Variants in FAM117A observed in about 807,000 individuals in gnomAD.
FAM117A encodes family with sequence similarity 117 member A, also known as protein FAM117A.
Under a neutral mutation model 44.1 loss-of-function variants are expected in FAM117A, and 21 were observed. That is an observed-to-expected ratio of 0.48 (90% CI 0.34 to 0.69). The LOEUF is 0.69. Among genes scored for constraint, FAM117A ranks in the 30% least tolerant of loss-of-function variants. The pLI, the probability that FAM117A is intolerant of heterozygous loss-of-function variation, is 0.01. For synonymous variants in FAM117A, 220 were observed against 238.3 expected (o/e 0.92, Z 0.71); for missense variants, 498 against 589.9 (o/e 0.84, Z 1.61).
intron 1 of FAM117A, among the ~76,000 whole-genome samples, chr17:49,737,567 C>G (rs775131689): frequency 6.6e-6 from 1 of 152,152 alleles, no homozygotes; most frequent in Non-Finnish European, 1.5e-5. Context: ...AGAAAGGTTT[C>G]CTGGAGCTGC....
rs73987381 is a variant in FAM117A at position 49,730,202 on chromosome 17, A to T, written c.366+2349T>A. On this transcript the variant is annotated intron_variant, in intron 2 of 7. Coordinates refer to ENST00000240364, the MANE Select transcript of FAM117A (RefSeq NM_030802.4). ...TTCTCCACCTCCTGACTGCGGCCAC[A>T]ATATTGACAGGTTGCTAAGAGTTCC... Among the ~76,000 whole-genome samples, 413 of 152,342 alleles carry T rather than the reference A, an allele frequency of 2.7e-3. 1 individual carries two copies. The highest frequency in any genetic ancestry group is 9.4e-3 in the African/African-American group (390 of 41,580).
chr17:49,780,996 A>C (rs2073788114), intron 1 of FAM117A, among the ~76,000 whole-genome samples: 1 of 151,942 alleles, frequency 6.6e-6, no homozygotes, highest in South Asian at 2.1e-4. Context: ...ATGCCCGGCT[A>C]ATTTTTGTGC....
chr17:49,752,388 G>T (rs757139650), intron 1 of FAM117A, among the ~76,000 whole-genome samples: 3 of 152,166 alleles, frequency 2.0e-5, no homozygotes, highest in Non-Finnish European at 4.4e-5. Context: ...GAAGTAGGGG[G>T]ATGGTTACAC....
chr17:49,719,914 CA>C lies in FAM117A; in HGVS notation c.574-21del. 1 of 1,594,106 alleles carries C rather than the reference CA, an allele frequency of 6.3e-7. No individual in the cohort carries two copies. The highest frequency in any genetic ancestry group is 1.8e-5 in the Admixed American group (1 of 57,000). ...GGACGCCTGAGGAAGAGGCAAATGACAAAATCACACACAGCCCCACCAGGCC... is the reference window on the plus strand; with the variant it reads ...GGACGCCTGAGGAAGAGGCAAATGACAAATCACACACAGCCCCACCAGGCC... On this transcript the variant is annotated intron_variant, in intron 4 of 7. Transcript: ENST00000240364.
intron 1 of FAM117A, among the ~76,000 whole-genome samples, chr17:49,776,179 G>A (rs1398446734): frequency 6.6e-6 from 1 of 152,206 alleles, no homozygotes; most frequent in South Asian, 2.1e-4. Context: ...TACAGGCTAA[G>A]CAATTTACAC....
chr17:49,712,468 T>C (rs1197203030), intron 7 of FAM117A, among the ~76,000 whole-genome samples: 1 of 152,226 alleles, frequency 6.6e-6, no homozygotes, highest in African/African-American at 2.4e-5. Context: ...GCCTAAAGAA[T>C]CTAATTGTTG....
chr17:49,749,123 G>T (rs183450535), intron 1 of FAM117A, among the ~76,000 whole-genome samples: 1 of 152,242 alleles, frequency 6.6e-6, no homozygotes, highest in African/African-American at 2.4e-5. Flanking sequence ...ACAAACAATC[G>T]ACTGGTACGT....
At chr17:49,744,016 T>C (rs1265642937) in intron 1 of FAM117A, among the ~76,000 whole-genome samples, 1 of 152,080 alleles carries the variant, frequency 6.6e-6, no homozygotes, top group Non-Finnish European at 1.5e-5. Context: ...CAGAACAGGA[T>C]TAGAGATAAC....
At chr17:49,783,738 A>C (rs1462257718) in intron 1 of FAM117A, among the ~76,000 whole-genome samples, 1 of 152,240 alleles carries the variant, frequency 6.6e-6, no homozygotes, top group Admixed American at 6.5e-5. Context: ...AGATTCTCCC[A>C]AAAGGATAGA....
chr17:49,788,787 G>C (rs1251183404), upstream of FAM117A: 15 of 1,560,064 alleles, frequency 9.6e-6, no homozygotes, highest in African/African-American at 1.4e-5. Context: ...CGTTCCTGCT[G>C]CTGCCGCCGC....
In FAM117A at chr17:49,722,741, T is replaced by G. The variant is rs931546912; in HGVS notation, c.367-147A>C. ...TGAACACTCCCAGTCGGTGTTCTTC[T>G]TCAGGCTTCTCCACCTGCACTCCCT... is the stretch of plus-strand genomic sequence containing the variant. On this transcript the variant is annotated intron_variant, in intron 2 of 7. Coordinates refer to ENST00000240364, the MANE Select transcript of FAM117A (RefSeq NM_030802.4). 5 of 636,004 alleles carry G rather than the reference T, an allele frequency of 7.9e-6. No individual in the cohort carries two copies. The African/African-American group carries it at 9.1e-5, about 12-fold the overall frequency. 39.4% of individuals were successfully genotyped at this position (636,004 alleles called of 1,614,324 possible). A position where few individuals can be genotyped will look rare whatever the true frequency, so the allele number is the denominator to read the frequency against.
At chr17:49,743,016 C>T (rs1027789326) in intron 1 of FAM117A, among the ~76,000 whole-genome samples, 7 of 152,126 alleles carry the variant, frequency 4.6e-5, no homozygotes, top group Non-Finnish European at 8.8e-5. Flanking sequence ...TGACACACCC[C>T]CATGTAGACA....
chr17:49,728,229 A>T (rs1032650850), intron 2 of FAM117A, among the ~76,000 whole-genome samples: 1 of 152,202 alleles, frequency 6.6e-6, no homozygotes, highest in African/African-American at 2.4e-5. Context: ...AAACATTTTT[A>T]AAAGGTCCAT....
At chr17:49,779,665 G>A (rs2073784296) in intron 1 of FAM117A, among the ~76,000 whole-genome samples, 1 of 152,222 alleles carries the variant, frequency 6.6e-6, no homozygotes, top group Non-Finnish European at 1.5e-5. Flanking sequence ...CCCTGGATAA[G>A]AACTCTGACT....
At chr17:49,733,328 G>A (rs2073594497) in intron 1 of FAM117A, among the ~76,000 whole-genome samples, 2 of 152,116 alleles carry the variant, frequency 1.3e-5, no homozygotes, top group African/African-American at 4.8e-5. Flanking sequence ...AAGTTTTTTG[G>A]TTCTCTCCTC....
chr17:49,733,400 G>A (rs1326352296), intron 1 of FAM117A, among the ~76,000 whole-genome samples: 1 of 152,168 alleles, frequency 6.6e-6, no homozygotes, highest in Non-Finnish European at 1.5e-5. Flanking sequence ...TTCATAGGCC[G>A]GGTGGTGGTG....
intron 6 of FAM117A, 98 bp from the exon 7 acceptor site, chr17:49,716,413 C>T: frequency 2.7e-6 from 3 of 1,099,372 alleles, no homozygotes; most frequent in Non-Finnish European, 3.8e-6. Context: ...GCTGGGGACA[C>T]ATGGTAAGGA....
intron 1 of FAM117A, among the ~76,000 whole-genome samples, chr17:49,782,305 A>T (rs1158100801): frequency 7.7e-6 from 1 of 129,986 alleles, no homozygotes; most frequent in Non-Finnish European, 1.6e-5. Flanking sequence ...TGAACCTGGG[A>T]GGCGGAGCTT....
At chr17:49,744,672 G>A (rs2073647566) in intron 1 of FAM117A, among the ~76,000 whole-genome samples, 1 of 151,470 alleles carries the variant, frequency 6.6e-6, no homozygotes, top group Admixed American at 6.6e-5. Context: ...CTAATATAAT[G>A]TAAATGCTAT....
Sources: gnomAD v4.1 joint callset for allele counts (sites outside exome capture counted in the v4.1 genomes callset) on GRCh38, gnomAD v4.1.1 for gene constraint, MANE v1.5 for transcripts, NCBI Gene and HGNC (gene_info 2026-07-23, HGNC 2026-07-21) for gene names.